The following ACACA variants were observed in gnomAD, a reference collection of about 807,000 sequenced individuals.
ACACA encodes acetyl-CoA carboxylase alpha, also known as acetyl-CoA carboxylase 1.
ACACA carries 103 observed loss-of-function variants against 296.1 expected under a neutral mutation model. The ratio of observed to expected loss-of-function variants is 0.35; its 90% CI spans 0.30 to 0.41. ACACA has a LOEUF of 0.41. ACACA is among the 10% of genes least tolerant of loss of function. The pLI is 1.00. For synonymous variants in ACACA, 953 were observed against 1,038.6 expected, an observed-to-expected ratio of 0.92 and a Z score of 1.58; for missense variants, 1,554 against 2,989.7, an observed-to-expected ratio of 0.52 and a Z score of 11.20.
intron 5 of ACACA, among the ~76,000 whole-genome samples, chr17:37,282,621 G>A (rs915184113): frequency 6.6e-6 from 1 of 151,990 alleles, no homozygotes; most frequent in African/African-American, 2.4e-5. Context: ...CTTCCTAGGA[G>A]TAAAAGATAA....
chr17:37,276,157 C>A, intron 7 of ACACA, 108 bp from the exon 8 acceptor site: 1 of 806,380 alleles, frequency 1.2e-6, no homozygotes, highest in South Asian at 1.4e-5. Context: ...TTGTCCTCCC[C>A]CCACCCCTCA....
At chr17:37,163,565 C>T (rs1379476926) in intron 41 of ACACA, among the ~76,000 whole-genome samples, 9 of 152,198 alleles carry the variant, frequency 5.9e-5, no homozygotes, top group East Asian at 1.9e-4. Flanking sequence ...ACGGACTGTA[C>T]ACTTTTCATG....
At chr17:37,310,148 T>C (rs561844478) in intron 3 of ACACA, among the ~76,000 whole-genome samples, 3 of 152,206 alleles carry the variant, frequency 2.0e-5, no homozygotes, top group Non-Finnish European at 2.9e-5. Flanking sequence ...ATCATTCTAA[T>C]AGTCCAAGCA....
rs542110169 is a variant in ACACA, at chr17:37,194,044, A to C, written c.4159-629T>G. Among the ~76,000 whole-genome samples, 3 of 151,496 alleles carry C rather than the reference A, an allele frequency of 2.0e-5. No individual in the cohort carries two copies. The South Asian group carries it at 6.3e-4, about 32-fold the overall frequency. ...CCTGCTTTTTTGTAGGGCATTATAC[A>C]AAAAAAAACCCAATTTACTAGAACC... On this transcript the variant is annotated intron_variant, in intron 35 of 55. Transcript: ENST00000616317.
intron 46 of ACACA, 134 bp from the exon 47 acceptor site, chr17:37,129,619 G>A: frequency 8.2e-7 from 1 of 1,217,626 alleles, no homozygotes; most frequent in Non-Finnish European, 1.2e-6. Context: ...ATCTTCAGCT[G>A]GAAGAATCCT....
At chr17:37,126,930 G>T (rs1371742984) in intron 47 of ACACA, among the ~76,000 whole-genome samples, 2 of 152,276 alleles carry the variant, frequency 1.3e-5, no homozygotes, top group South Asian at 4.1e-4. Flanking sequence ...TTTTCACCTA[G>T]AAGATATCTG....
Position 37,086,675 on chromosome 17 carries a change from T to C in ACACA, c.*641A>G, listed in dbSNP as rs1430990575. 1 of 153,860 alleles carries C rather than the reference T, an allele frequency of 6.5e-6. No homozygotes were observed. The highest frequency in any genetic ancestry group is 2.4e-5 in the African/African-American group (1 of 41,480). 9.5% of individuals were successfully genotyped at this position (153,860 alleles called of 1,614,324 possible). Reference sequence around the variant, plus strand: ...AGAATAACTGGTTCTATTTTCTTTCTCTGCTTCTTGGCTCACAGTTTTGCC... The same window carrying C: ...AGAATAACTGGTTCTATTTTCTTTCCCTGCTTCTTGGCTCACAGTTTTGCC... On this transcript the variant is annotated 3_prime_UTR_variant, in exon 56 of 56. Transcript: ENST00000616317.
chr17:37,139,079 A>G (rs911035388), intron 45 of ACACA, among the ~76,000 whole-genome samples: 2 of 152,200 alleles, frequency 1.3e-5, no homozygotes, highest in Non-Finnish European at 2.9e-5. Flanking sequence ...AGAGTAGCAA[A>G]GCTTCAAGTG....
chr17:37,241,204 T>A (rs60549987), intron 23 of ACACA, among the ~76,000 whole-genome samples: 7,077 of 144,664 alleles, frequency 0.049, 418 homozygotes, highest in African/African-American at 0.15. Context: ...CCAAAAAAAA[T>A]AAATAAATAA....
chr17:37,260,287 TATATATATA>T (rs1363701414), intron 11 of ACACA, among the ~76,000 whole-genome samples: 723 of 27,414 alleles, frequency 0.026, 8 homozygotes, highest in Non-Finnish European at 0.03. Flanking sequence ...TATATATATA[TATATATATA>T]TTTTTTTTTT....
At chr17:37,288,459 T>C (rs957638984) in intron 3 of ACACA, among the ~76,000 whole-genome samples, 29 of 152,274 alleles carry the variant, frequency 1.9e-4, no homozygotes, top group Admixed American at 6.5e-4. Context: ...TAATCTACAG[T>C]GCAGAACACG....
At chr17:37,143,126 G>A (rs889776330) in intron 45 of ACACA, among the ~76,000 whole-genome samples, 2 of 151,590 alleles carry the variant, frequency 1.3e-5, no homozygotes, top group Non-Finnish European at 2.9e-5. Flanking sequence ...TAAATTGCCC[G>A]AGGTCACACA....
At chr17:37,143,757 T>A (rs1805376777) in intron 45 of ACACA, 1 of 947,976 alleles carries the variant, frequency 1.1e-6, no homozygotes, top group Admixed American at 1.7e-5. Flanking sequence ...TTTTTCTTGC[T>A]TTTTCGGCCT....
chr17:37,193,321 C>G, intron 36 of ACACA, 53 bp downstream of exon 36: 6 of 1,392,786 alleles, frequency 4.3e-6, no homozygotes. Context: ...CGCTCTTGGG[C>G]TTTTAAGAAA....
At chr17:37,176,092 A>G (rs1279496892) in intron 41 of ACACA, among the ~76,000 whole-genome samples, 2 of 152,136 alleles carry the variant, frequency 1.3e-5, no homozygotes, top group South Asian at 4.1e-4. Context: ...CTGTCCTGGA[A>G]AAAAAAATTA....
chr17:37,254,548 C>T lies in ACACA; in HGVS notation c.1827-1512G>A, dbSNP rs546639186. ...CTTAAATAATCTGACTATCATCATA[C>T]TTAATACATTGTATTTTAACTGCCA... On this transcript the variant is annotated intron_variant, in intron 14 of 55. Coordinates refer to ENST00000616317, the MANE Select transcript of ACACA (RefSeq NM_198834.3). 3.3e-5 allele frequency among the ~76,000 whole-genome samples: 5 copies of T among 152,256 alleles called. No homozygotes were observed. The South Asian group carries it at 1.0e-3, about 32-fold the overall frequency.
intron 12 of ACACA, 21 bp downstream of exon 12, chr17:37,259,339 A>G (rs867941049): frequency 6.2e-7 from 1 of 1,613,906 alleles, no homozygotes; most frequent in Non-Finnish European, 8.5e-7. Context: ...AGGCTCTGCA[A>G]CCCAGATCAG....
intron 29 of ACACA, among the ~76,000 whole-genome samples, chr17:37,217,239 C>T (rs1197023383): frequency 9.8e-6 from 1 of 102,564 alleles, no homozygotes; most frequent in Admixed American, 1.5e-4. Flanking sequence ...CCAGCCTGGG[C>T]AACAAGAGCA....
intron 41 of ACACA, among the ~76,000 whole-genome samples, chr17:37,177,922 G>C (rs1420670804): frequency 6.6e-6 from 1 of 152,082 alleles, no homozygotes; most frequent in African/African-American, 2.4e-5. Context: ...GCATCCACTG[G>C]CATATTACTG....
Sources: allele counts gnomAD v4.1 joint callset (sites outside exome capture counted in the v4.1 genomes callset), GRCh38; gene constraint gnomAD v4.1.1; transcripts MANE v1.5; gene names NCBI Gene and HGNC (gene_info 2026-07-23, HGNC 2026-07-21).